The following THSD7A variants were observed in gnomAD, a reference collection of about 807,000 sequenced individuals.
THSD7A encodes thrombospondin type-1 domain-containing protein 7A.
A neutral mutation model predicts 231.3 loss-of-function variants in THSD7A; 96 were observed. That is an observed-to-expected ratio of 0.41 (90% CI 0.35 to 0.49). The LOEUF is 0.49. THSD7A is among the 20% of genes least tolerant of loss of function. The pLI is 0.05. For missense variants in THSD7A, 2,290 were observed against 2,070.2 expected, an observed-to-expected ratio of 1.11 and a Z score of -2.06; for synonymous variants, 940 against 743.3, an observed-to-expected ratio of 1.26 and a Z score of -4.30.
At chr7:11,385,800 T>C (rs1782716979) in intron 23 of THSD7A, 1 of 152,176 alleles carries the variant, frequency 6.6e-6, no homozygotes, top group South Asian at 2.1e-4. Context: ...ACACGTGACA[T>C]GGTGGTTTGC....
In THSD7A at chr7:11,718,955, A is replaced by G. The variant is rs190298955; in HGVS notation, c.191-81994T>C. Among the ~76,000 whole-genome samples the G allele has an allele frequency of 5.7e-4, 86 of 151,848 alleles. 1 individual carries two copies. The highest frequency in any genetic ancestry group is 5.7e-3 in the Admixed American group (86 of 15,214). On this transcript the variant is annotated intron_variant, in intron 1 of 27. Transcript: ENST00000423059. The stretch of plus-strand genomic sequence containing the variant: ...AAACAAAAAGGAAATAAAAAAAAGC[A>G]TCAGACAGATTTATTACTTTATACA...
intron 1 of THSD7A, among the ~76,000 whole-genome samples, chr7:11,756,376 G>A (rs1782676771): frequency 6.6e-6 from 1 of 152,110 alleles, no homozygotes; most frequent in East Asian, 1.9e-4. Context: ...CTAAGGTGGT[G>A]AGAGTGGAGA....
At chr7:11,395,429 T>C (rs903311503) in intron 23 of THSD7A, among the ~76,000 whole-genome samples, 3 of 151,918 alleles carry the variant, frequency 2.0e-5, no homozygotes, top group African/African-American at 4.8e-5. Flanking sequence ...AGATAATTAA[T>C]AAGGATATTC....
intron 1 of THSD7A, among the ~76,000 whole-genome samples, chr7:11,829,857 T>C (rs535277979): frequency 6.6e-6 from 1 of 152,118 alleles, no homozygotes; most frequent in Admixed American, 6.5e-5. Context: ...ATGAACTATT[T>C]TTTTTTTTTA....
intron 6 of THSD7A, among the ~76,000 whole-genome samples, chr7:11,509,895 G>A (rs1489689164): frequency 6.7e-6 from 1 of 148,686 alleles, no homozygotes. Flanking sequence ...AACATTGGAA[G>A]ATAATCAGCA....
chr7:11,526,521 AG>A (rs1358055616), intron 6 of THSD7A, among the ~76,000 whole-genome samples: 1 of 152,194 alleles, frequency 6.6e-6, no homozygotes, highest in Non-Finnish European at 1.5e-5. Context: ...CTTAATGGGC[AG>A]GGGCTGCTAT....
intron 1 of THSD7A, among the ~76,000 whole-genome samples, chr7:11,659,067 A>G (rs1246555063): frequency 6.6e-6 from 1 of 151,448 alleles, no homozygotes; most frequent in Admixed American, 6.6e-5. Flanking sequence ...ACACACAGAC[A>G]CTCCTATCTT....
At chr7:11,719,846 C>G (rs936926645) in intron 1 of THSD7A, among the ~76,000 whole-genome samples, 1 of 151,654 alleles carries the variant, frequency 6.6e-6, no homozygotes, top group South Asian at 2.1e-4. Flanking sequence ...GCCCTGAACC[C>G]TATACATAAA....
intron 17 of THSD7A, among the ~76,000 whole-genome samples, chr7:11,416,533 C>T (rs1783965785): frequency 6.6e-6 from 1 of 152,208 alleles, no homozygotes; most frequent in Non-Finnish European, 1.5e-5. Flanking sequence ...TTCCAATCAA[C>T]TGCCATCTTT....
intron 1 of THSD7A, among the ~76,000 whole-genome samples, chr7:11,829,190 T>C (rs1222532439): frequency 6.6e-6 from 1 of 152,134 alleles, no homozygotes; most frequent in Non-Finnish European, 1.5e-5. Context: ...TCAAAAGTTA[T>C]ACATAAATTT....
Position 11,382,527 on chromosome 7 carries a change from C to T in THSD7A, c.4501G>A (p.Val1501Ile), listed in dbSNP as rs1782558645. 1.2e-6 allele frequency: 2 copies of T among 1,611,664 alleles called. No homozygotes were observed. The highest frequency in any genetic ancestry group is 2.2e-5 in the South Asian group (2 of 90,868). ...VWCQRSDGIN[V>I]TGGCLVMSQP... Reference sequence around the variant, plus strand: ...AGAGAAACTGGAGGTTTACCTGTTACATTTATACCATCTGACCTTTGACAC... The same window carrying T: ...AGAGAAACTGGAGGTTTACCTGTTATATTTATACCATCTGACCTTTGACAC... The change falls in exon 24 of 28, where the codon GTA becomes ATA. Residue 1501 changes from valine to isoleucine, a missense_variant. Transcript: ENST00000423059.
intron 6 of THSD7A, among the ~76,000 whole-genome samples, chr7:11,496,876 G>C (rs1229740920): frequency 1.3e-5 from 2 of 152,108 alleles, no homozygotes; most frequent in Non-Finnish European, 2.9e-5. Flanking sequence ...GGTAAATAAA[G>C]ACACTGAGGC....
intron 1 of THSD7A, among the ~76,000 whole-genome samples, chr7:11,742,392 A>G (rs1464504556): frequency 1.3e-5 from 2 of 151,846 alleles, no homozygotes; most frequent in Non-Finnish European, 2.9e-5. Context: ...TATTGCCTCA[A>G]TTTTCTTTCC....
intron 2 of THSD7A, among the ~76,000 whole-genome samples, chr7:11,619,315 T>C (rs1230154180): frequency 6.6e-6 from 1 of 151,804 alleles, no homozygotes; most frequent in African/African-American, 2.4e-5. Flanking sequence ...GTTTCCAAGA[T>C]AAATCTTGAT....
chr7:11,740,337 C>A (rs1562520326), intron 1 of THSD7A, among the ~76,000 whole-genome samples: 1 of 151,906 alleles, frequency 6.6e-6, no homozygotes, highest in Non-Finnish European at 1.5e-5. Flanking sequence ...ATTGTATACA[C>A]CTCCCTGCAC....
intron 23 of THSD7A, 28 bp downstream of exon 23, chr7:11,401,767 G>T (rs1783413219): frequency 6.4e-7 from 1 of 1,572,520 alleles, no homozygotes; most frequent in Non-Finnish European, 8.6e-7. Context: ...TTTTGCTTAA[G>T]ATAGAGTATA....
At chr7:11,420,899 C>G (rs1407840302) in intron 16 of THSD7A, among the ~76,000 whole-genome samples, 3 of 152,166 alleles carry the variant, frequency 2.0e-5, no homozygotes, top group Non-Finnish European at 4.4e-5. Flanking sequence ...AATTTAATGA[C>G]TGAACTGCTG....
At chr7:11,549,487 A>AT (rs578221981) in intron 4 of THSD7A, among the ~76,000 whole-genome samples, 116 of 152,302 alleles carry the variant, frequency 7.6e-4, no homozygotes, top group African/African-American at 2.7e-3. Flanking sequence ...GCTCATGTTC[A>AT]TTGCAGCACT....
intron 1 of THSD7A, among the ~76,000 whole-genome samples, chr7:11,675,439 G>A (rs1783598861): frequency 6.6e-6 from 1 of 152,064 alleles, no homozygotes; most frequent in Non-Finnish European, 1.5e-5. Flanking sequence ...TGGAAAGAGG[G>A]CTGAAGCCAG....
Sources: gnomAD v4.1 joint callset for allele counts (sites outside exome capture counted in the v4.1 genomes callset) on GRCh38, gnomAD v4.1.1 for gene constraint, MANE v1.5 for transcripts, NCBI Gene and HGNC (gene_info 2026-07-23, HGNC 2026-07-21) for gene names.